Variants in MIER3 observed in about 807,000 individuals in gnomAD.
MIER3 encodes MIER family member 3.
A neutral mutation model predicts 63.2 loss-of-function variants in MIER3; 9 were observed. The ratio of observed to expected loss-of-function variants is 0.14; its 90% CI spans 0.09 to 0.25. The LOEUF (loss-of-function observed/expected upper bound fraction) is 0.25, where lower values mean the gene tolerates loss of function less well. Among genes scored for constraint, MIER3 ranks in the 10% least tolerant of loss-of-function variants. MIER3 has a pLI of 1.00. For missense variants in MIER3, 512 were observed against 666.2 expected, an observed-to-expected ratio of 0.77 and a Z score of 2.55; for synonymous variants, 205 against 224.9, an observed-to-expected ratio of 0.91 and a Z score of 0.79.
intron 3 of MIER3, chr5:56,941,215 G>T: frequency 2.3e-6 from 2 of 876,682 alleles, no homozygotes; most frequent in Non-Finnish European, 2.7e-6. Flanking sequence ...CAATGTGATG[G>T]CTTCAATATT....
At chr5:56,947,157 C>A in intron 2 of MIER3, 86 bp from the exon 3 acceptor site, 2 of 1,349,774 alleles carry the variant, frequency 1.5e-6, no homozygotes, top group African/African-American at 1.5e-5. Context: ...CTGCCAGTCC[C>A]TTTTCATGTT....
At chr5:56,924,137 G>T in intron 10 of MIER3, 95 bp from the exon 11 acceptor site, 1 of 1,235,956 alleles carries the variant, frequency 8.1e-7, no homozygotes, top group Non-Finnish European at 1.1e-6. Flanking sequence ...CAATCCATGG[G>T]TCTTATTTTC....
chr5:56,936,326 A>T (rs188373999), intron 5 of MIER3, among the ~76,000 whole-genome samples: 2 of 152,266 alleles, frequency 1.3e-5, no homozygotes, highest in East Asian at 3.9e-4. Flanking sequence ...AAAACACTGG[A>T]GTTCTGATTA....
intron 3 of MIER3, among the ~76,000 whole-genome samples, chr5:56,943,565 C>A (rs1750724766): frequency 6.6e-6 from 1 of 152,166 alleles, no homozygotes; most frequent in African/African-American, 2.4e-5. Flanking sequence ...TCCGTAGAAA[C>A]TGCATTAATA....
chr5:56,927,505 C>A (rs1287650870), intron 10 of MIER3, among the ~76,000 whole-genome samples: 1 of 152,102 alleles, frequency 6.6e-6, no homozygotes, highest in African/African-American at 2.4e-5. Context: ...AGGAAATAAA[C>A]AGAGCATATT....
intron 2 of MIER3, 150 bp from the exon 3 acceptor site, chr5:56,947,221 A>AT: frequency 1.3e-6 from 1 of 745,868 alleles, no homozygotes; most frequent in Non-Finnish European, 2.0e-6. Flanking sequence ...GTTATAAATT[A>AT]AGACCCCATG....
In MIER3 at chr5:56,933,282, T is replaced by C. The variant is rs1750334710; in HGVS notation, c.712A>G (p.Ile238Val). 6.2e-7 allele frequency: 1 copy of C among 1,612,716 alleles called. No homozygotes were observed. The highest frequency in any genetic ancestry group is 8.5e-7 in the Non-Finnish European group (1 of 1,179,504). Residue 238 changes from isoleucine to valine, a missense_variant, in exon 8 of 13, where the codon ATT becomes GTT. Around this residue, in one of 5 missense-constraint regions of MIER3, gnomAD observed 118 missense variants for 133.6 expected, o/e 0.88. Coordinates refer to ENST00000381199, the MANE Select transcript of MIER3 (RefSeq NM_001297599.2). The stretch of plus-strand genomic sequence containing the variant: ...TCCCTTGTGTGTGTTCCTGCAGAAA[T>C]CCTATCCATTATTTTTTCACTGCCA... ...RTGSEKIMDR[I>V]SAGTHTRDNE...
chr5:56,935,111 A>C (rs1263159395), intron 7 of MIER3, among the ~76,000 whole-genome samples: 1 of 151,984 alleles, frequency 6.6e-6, no homozygotes, highest in Non-Finnish European at 1.5e-5. Flanking sequence ...ATGAGATCCT[A>C]CCCACTTCTA....
chr5:56,947,465 T>A (rs1431690887), intron 2 of MIER3, among the ~76,000 whole-genome samples: 1 of 152,180 alleles, frequency 6.6e-6, no homozygotes, highest in Non-Finnish European at 1.5e-5. Flanking sequence ...AATGGAAGAT[T>A]TCACAAGAAT....
chr5:56,950,721 GGC>G (rs1750992871), intron 1 of MIER3, 69 bp from the exon 2 acceptor site: 6 of 1,576,378 alleles, frequency 3.8e-6, no homozygotes, highest in Non-Finnish European at 5.2e-6. Flanking sequence ...CCGGCAACAG[GGC>G]GCAGAGGAGG....
At chr5:56,951,346 C>G (rs1751020535) in intron 1 of MIER3, among the ~76,000 whole-genome samples, 1 of 152,054 alleles carries the variant, frequency 6.6e-6, no homozygotes, top group Non-Finnish European at 1.5e-5. Flanking sequence ...GCCCCCTCCC[C>G]CCAGCTCACC....
rs1749741075 is a variant in MIER3 at position 56,922,902 on chromosome 5, A to G, written c.*226T>C. ...GAAGCAGAGCTTAAAGCTGCACCAC[A>G]GAGTTCAATCTTAGTTCCCAACTCT... On this transcript the variant is annotated 3_prime_UTR_variant, in exon 13 of 13. Transcript: ENST00000381199. The G allele has an allele frequency of 1.9e-6, 1 of 530,062 alleles. No individual in the cohort carries two copies. Among genetic ancestry groups the G allele is most frequent in the East Asian group, 3.3e-5 (1 of 30,754 alleles). The allele number at this position is 530,062 out of a possible 1,614,324, so 32.8% of individuals were successfully genotyped here. A position where few individuals can be genotyped will look rare whatever the true frequency, so the allele number is the denominator to read the frequency against.
In MIER3 at chr5:56,923,165, T is replaced by C. The variant is rs140602028; in HGVS notation, c.1616A>G (p.His539Arg). The C allele has an allele frequency of 1.1e-5, 17 of 1,613,926 alleles. No homozygotes were observed. In the African/African-American group the frequency reaches 2.0e-4, roughly 19 times the overall value. ...TAGGGCCGCGTGCTGATGCAGAGCA[T>C]GGGCACTGATGAAACCATTGGTCTC... ...ANETNGFISA[H>R]ALHQHAALHS... Residue 539 changes from histidine to arginine, a missense_variant, in exon 13 of 13, where the codon CAT becomes CGT. Transcript: ENST00000381199.
intron 3 of MIER3, chr5:56,940,923 G>A (rs1750624120): frequency 1.0e-6 from 1 of 975,612 alleles, no homozygotes; most frequent in Non-Finnish European, 1.2e-6. Flanking sequence ...CCTTTGCCAA[G>A]CACCTGTCAG....
intron 9 of MIER3, 133 bp from the exon 10 acceptor site, chr5:56,928,994 C>CACACACAT (rs1750148456): frequency 3.6e-6 from 2 of 553,332 alleles, no homozygotes; most frequent in African/African-American, 1.9e-5. Flanking sequence ...CTCTCTCTCA[C>CACACACAT]ACACACACAC....
Position 56,938,904 on chromosome 5 carries a change from TAGTTCATCTGCC to T in MIER3, c.282_293del (p.Ala95_Leu98del). 1 of 1,614,122 alleles carries T rather than the reference TAGTTCATCTGCC, an allele frequency of 6.2e-7. No individual in the cohort carries two copies. The highest frequency in any genetic ancestry group is 8.5e-7 in the Non-Finnish European group (1 of 1,179,970). On this transcript the variant is annotated inframe_deletion, in exon 4 of 13. Transcript: ENST00000381199. ...TTACTTTGTCTAGTGTCATGTCTGG[TAGTTCATCTGCC>T]AGTTCACTTGGGGAACTATTTGCAC...
intron 3 of MIER3, among the ~76,000 whole-genome samples, chr5:56,943,846 A>AT (rs552741823): frequency 6.5e-4 from 99 of 152,334 alleles, no homozygotes; most frequent in Non-Finnish European, 1.1e-3. Flanking sequence ...TATCCCGGGT[A>AT]TAAGGATTTT....
chr5:56,946,904 T>C (rs779017096), intron 3 of MIER3, 22 bp downstream of exon 3: 62 of 1,453,468 alleles, frequency 4.3e-5, no homozygotes, highest in Non-Finnish European at 1.3e-5. Context: ...GTTAAGTTTG[T>C]ATATTAAAGT....
At chr5:56,924,946 A>C (rs566501804) in intron 10 of MIER3, among the ~76,000 whole-genome samples, 1 of 152,228 alleles carries the variant, frequency 6.6e-6, no homozygotes, top group Non-Finnish European at 1.5e-5. Context: ...ATCATTAACT[A>C]TAAGTCTTCG....
Sources: gnomAD v4.1 joint callset for allele counts (sites outside exome capture counted in the v4.1 genomes callset) on GRCh38, gnomAD v4.1.1 for gene constraint, gnomAD v4.1.1 regional missense constraint, MANE v1.5 for transcripts, NCBI Gene and HGNC (gene_info 2026-07-23, HGNC 2026-07-21) for gene names.